Variants in ICE2 observed in about 807,000 individuals in gnomAD.
ICE2 encodes the protein interactor of little elongation complex ELL subunit 2.
In ICE2, 87 loss-of-function variants were observed where a neutral mutation model predicts 105.4. That is an observed-to-expected ratio of 0.83 (90% CI 0.69 to 0.99). The LOEUF (loss-of-function observed/expected upper bound fraction) is 0.99, where lower values mean the gene tolerates loss of function less well. ICE2 is among the 50% of genes least tolerant of loss of function. The pLI, the probability that ICE2 is intolerant of heterozygous loss-of-function variation, is 0.00. For synonymous variants in ICE2, 399 were observed against 392.0 expected (o/e 1.02, Z -0.21); for missense variants, 1,323 against 1,146.7 (o/e 1.15, Z -2.22).
chr15:60,436,417 A>T (rs920433981), intron 12 of ICE2, among the ~76,000 whole-genome samples, 190 bp from the exon 13 acceptor site: 1 of 151,976 alleles, frequency 6.6e-6, no homozygotes, highest in Admixed American at 6.6e-5. Flanking sequence ...CATAATTCAG[A>T]TTATAAAACA....
At chr15:60,434,061 T>C (rs1271675716) in intron 13 of ICE2, among the ~76,000 whole-genome samples, 1 of 152,152 alleles carries the variant, frequency 6.6e-6, no homozygotes, top group Non-Finnish European at 1.5e-5. Context: ...ATCAAACATA[T>C]TAACTACCAA....
At chr15:60,442,283 A>T in intron 12 of ICE2, 133 bp downstream of exon 12, 2 of 762,408 alleles carry the variant, frequency 2.6e-6, no homozygotes, top group Non-Finnish European at 4.1e-6. Flanking sequence ...ACAGAATGAG[A>T]CCCTAAAACT....
At chr15:60,435,599 CAAA>C (rs61054838) in intron 13 of ICE2, among the ~76,000 whole-genome samples, 2 of 143,352 alleles carry the variant, frequency 1.4e-5, no homozygotes, top group Admixed American at 6.8e-5. Context: ...AACTCTGTCT[CAAA>C]AAAAAAAAAA....
chr15:60,432,133 T>C lies in ICE2; in HGVS notation c.2511-149A>G, dbSNP rs1488563512. 1.6e-5 allele frequency: 6 copies of C among 371,454 alleles called. 1 individual carries two copies. In the East Asian group the frequency reaches 3.2e-4, roughly 20 times the overall value. The allele number at this position is 371,454 out of a possible 1,614,324, so 23.0% of individuals were successfully genotyped here. Reference sequence around the variant, plus strand: ...ATACAAAAAATCTGAAACTTATTTCTATTTGGATTAAATTATGATATTTAC... The same window carrying C: ...ATACAAAAAATCTGAAACTTATTTCCATTTGGATTAAATTATGATATTTAC... On this transcript the variant is annotated intron_variant, in intron 13 of 15. Transcript: ENST00000261520.
intron 9 of ICE2, chr15:60,451,649 C>G (rs914884340): frequency 1.0e-6 from 1 of 977,948 alleles, no homozygotes; most frequent in Admixed American, 6.2e-5. Context: ...CATTTTACTC[C>G]AAGTTCAGGG....
At chr15:60,449,886 A>C (rs139164335) in intron 9 of ICE2, 45 bp from the exon 10 acceptor site, 1 of 1,407,798 alleles carries the variant, frequency 7.1e-7, no homozygotes, top group Non-Finnish European at 9.8e-7. Context: ...ATTTCAAGCC[A>C]CCCTACCTAT....
Position 60,423,710 on chromosome 15 carries a change from T to G in ICE2, c.2873A>C (p.Glu958Ala). ...TRSHRNPVSM[E>A]TKSSCLPAQQ... ...AGCAGGCAAGCAACTGCTTTTGGTTTCCATGGAAACTGGATTCCTGTGGCT... is the reference window on the plus strand; with the variant it reads ...AGCAGGCAAGCAACTGCTTTTGGTTGCCATGGAAACTGGATTCCTGTGGCT... The change falls in exon 16 of 16, where the codon GAA (glutamate) becomes GCA (alanine). Residue 958 changes from glutamate to alanine, a missense_variant. By Grantham distance (107) the Glu-to-Ala change is moderately radical. Coordinates refer to ENST00000261520, the MANE Select transcript of ICE2 (RefSeq NM_024611.6). The G allele has an allele frequency of 1.2e-6, 2 of 1,602,514 alleles. No homozygotes were observed. The highest frequency in any genetic ancestry group is 1.7e-6 in the Non-Finnish European group (2 of 1,177,148).
At chr15:60,477,384 T>C (rs909414660) in intron 2 of ICE2, among the ~76,000 whole-genome samples, 1 of 152,214 alleles carries the variant, frequency 6.6e-6, no homozygotes, top group Non-Finnish European at 1.5e-5. Context: ...TAACCATTTA[T>C]AACATTTGAT....
In ICE2 at chr15:60,455,097, A is replaced by C; in HGVS notation, c.849T>G (p.Thr283=). The C allele has an allele frequency of 6.2e-7, 1 of 1,602,960 alleles. No homozygotes were observed. The highest frequency in any genetic ancestry group is 2.2e-5 in the East Asian group (1 of 44,808). Residue 283 remains threonine, a synonymous_variant, in exon 8 of 16, where the codon ACT becomes ACG. Coordinates refer to ENST00000261520, the MANE Select transcript of ICE2 (RefSeq NM_024611.6). ...VSRYHPQIAL[T]SQSLFTLLNN... Reference sequence around the variant, plus strand: ...TTAATAAGGTAAATAATGACTGACTAGTTAGAGCTATCTGAGGGTGATATC... The same window carrying C: ...TTAATAAGGTAAATAATGACTGACTCGTTAGAGCTATCTGAGGGTGATATC...
At chr15:60,467,527 G>A (rs193047017) in intron 4 of ICE2, among the ~76,000 whole-genome samples, 1 of 152,094 alleles carries the variant, frequency 6.6e-6, no homozygotes, top group South Asian at 2.1e-4. Flanking sequence ...CCTTACCCCT[G>A]TAGGATTAGA....
rs2063244800 is a variant in ICE2, at chr15:60,421,851, T to C, written c.*1783A>G. On this transcript the variant is annotated 3_prime_UTR_variant, in exon 16 of 16. Transcript: ENST00000261520. ...TATCAAGATACAATTTTACTAATAA[T>C]TACTTCTCAAATAACTTAAAAATGT... 1 of 152,142 alleles carries C rather than the reference T, an allele frequency of 6.6e-6. No individual in the cohort carries two copies. Among genetic ancestry groups the C allele is most frequent in the African/African-American group, 2.4e-5 (1 of 41,436 alleles). 9.4% of individuals were successfully genotyped at this position (152,142 alleles called of 1,614,324 possible).
intron 15 of ICE2, among the ~76,000 whole-genome samples, chr15:60,424,619 T>C (rs1177511884): frequency 6.6e-6 from 1 of 152,216 alleles, no homozygotes; most frequent in African/African-American, 2.4e-5. Flanking sequence ...GCGATTCTCC[T>C]GACTCCAGAC....
At chr15:60,434,322 G>T (rs1016593474) in intron 13 of ICE2, among the ~76,000 whole-genome samples, 1 of 152,142 alleles carries the variant, frequency 6.6e-6, no homozygotes, top group Non-Finnish European at 1.5e-5. Context: ...CAGAGTTTTT[G>T]ACTGTACTAT....
chr15:60,473,977 C>G (rs2064682769), intron 3 of ICE2, among the ~76,000 whole-genome samples: 1 of 151,790 alleles, frequency 6.6e-6, no homozygotes, highest in African/African-American at 2.4e-5. Context: ...GGCACAATCA[C>G]AACTCACTGC....
intron 11 of ICE2, chr15:60,445,911 A>G: frequency 3.2e-6 from 1 of 313,458 alleles, no homozygotes; most frequent in Non-Finnish European, 4.6e-6. Flanking sequence ...TGAAAATACA[A>G]TCTATAGGAC....
chr15:60,467,947 C>G (rs558454499), intron 4 of ICE2, 114 bp downstream of exon 4: 87 of 962,092 alleles, frequency 9.0e-5, no homozygotes, highest in Non-Finnish European at 1.2e-4. Context: ...AATCTCCTTA[C>G]GTTTTCCATT....
In ICE2 at chr15:60,422,470, T is replaced by C. The variant is rs1345207209; in HGVS notation, c.*1164A>G. The C allele has an allele frequency of 6.6e-6, 1 of 152,102 alleles. No homozygotes were observed. The highest frequency in any genetic ancestry group is 1.5e-5 in the Non-Finnish European group (1 of 68,044). The allele number at this position is 152,102 out of a possible 1,614,324, so 9.4% of individuals were successfully genotyped here. A position where few individuals can be genotyped will look rare whatever the true frequency, so the allele number is the denominator to read the frequency against. ...TCCAAATTTGCTACAGCAACATCAG[T>C]TGATTATGCCCTTTTCCAAATTCAT... On this transcript the variant is annotated 3_prime_UTR_variant, in exon 16 of 16. Transcript: ENST00000261520.
chr15:60,473,216 T>C (rs1349710303), intron 3 of ICE2, among the ~76,000 whole-genome samples: 1 of 152,018 alleles, frequency 6.6e-6, no homozygotes, highest in Non-Finnish European at 1.5e-5. Flanking sequence ...AGTATTGTTA[T>C]TATAGGCATG....
chr15:60,473,252 TTGTG>T (rs1223475801), intron 3 of ICE2, among the ~76,000 whole-genome samples: 1 of 151,582 alleles, frequency 6.6e-6, no homozygotes, highest in Admixed American at 6.6e-5. Flanking sequence ...CCAAGATTAT[TTGTG>T]TGTGTGTGTG....
Sources: allele counts gnomAD v4.1 joint callset (sites outside exome capture counted in the v4.1 genomes callset), GRCh38; gene constraint gnomAD v4.1.1; transcripts MANE v1.5; gene names NCBI Gene and HGNC (gene_info 2026-07-23, HGNC 2026-07-21).